ACSS3: variants seen among roughly 807,000 people sequenced by gnomAD.
The protein encoded by ACSS3 is acyl-CoA synthetase short-chain family member 3, mitochondrial.
ACSS3 carries 64 observed loss-of-function variants against 84.2 expected under a neutral mutation model. That is an observed-to-expected ratio of 0.76 (90% CI 0.62 to 0.94). ACSS3 has a LOEUF of 0.94. Ranked by LOEUF, ACSS3 falls within the 40% of genes least tolerant of loss-of-function variation. The pLI is 0.00. For missense variants in ACSS3, 815 were observed against 867.6 expected (o/e 0.94, Z 0.76); for synonymous variants, 317 against 310.1 (o/e 1.02, Z -0.23).
intron 8 of ACSS3, among the ~76,000 whole-genome samples, chr12:81,184,683 A>C (rs1241078884): frequency 1.3e-5 from 2 of 151,694 alleles, no homozygotes; most frequent in Non-Finnish European, 3.0e-5. Context: ...AAAATGGATA[A>C]ATTCCTAGAA....
Position 81,253,680 on chromosome 12 carries a change from CA to C in ACSS3, c.1995+13del, listed in dbSNP as rs1408759353. The C allele has an allele frequency of 6.2e-7, 1 of 1,605,610 alleles. No homozygotes were observed. ...TGGCAAGCCATACAAGGTAAATTAT[CA>C]AAGATATTTATTCCTGGGTTCTAAG... On this transcript the variant is annotated intron_variant, in intron 15 of 15. Transcript: ENST00000548058.
intron 11 of ACSS3, among the ~76,000 whole-genome samples, chr12:81,223,370 C>T (rs780667253): frequency 2.0e-5 from 3 of 152,038 alleles, no homozygotes; most frequent in Non-Finnish European, 4.4e-5. Flanking sequence ...CACATATTTA[C>T]AGCTTCACGT....
chr12:81,157,401 T>C (rs1297770903), intron 7 of ACSS3, among the ~76,000 whole-genome samples: 1 of 152,252 alleles, frequency 6.6e-6, no homozygotes, highest in Admixed American at 6.5e-5. Context: ...GCTAATATCA[T>C]ACCTAATCAT....
chr12:81,208,895 A>C (rs2032466246), intron 9 of ACSS3, among the ~76,000 whole-genome samples: 1 of 152,082 alleles, frequency 6.6e-6, no homozygotes, highest in Non-Finnish European at 1.5e-5. Context: ...TTATACCCTC[A>C]ACACTCCCTT....
chr12:81,190,211 TAGAGAG>T (rs75397068), intron 8 of ACSS3, among the ~76,000 whole-genome samples: 3 of 151,864 alleles, frequency 2.0e-5, no homozygotes, highest in African/African-American at 7.2e-5. Flanking sequence ...AACATAGAGA[TAGAGAG>T]AGAGACTTTA....
chr12:81,223,197 T>C (rs1399767008), intron 11 of ACSS3, among the ~76,000 whole-genome samples: 1 of 152,070 alleles, frequency 6.6e-6, no homozygotes, highest in African/African-American at 2.4e-5. Context: ...CGTTTTCCTC[T>C]GACCAGATCC....
chr12:81,168,665 G>A (rs1157425052), intron 7 of ACSS3, among the ~76,000 whole-genome samples: 1 of 152,120 alleles, frequency 6.6e-6, no homozygotes, highest in Non-Finnish European at 1.5e-5. Context: ...TGACATTTAT[G>A]TCCAGTCTAG....
intron 2 of ACSS3, among the ~76,000 whole-genome samples, chr12:81,126,386 T>A (rs1273598642): frequency 2.6e-5 from 4 of 152,226 alleles, no homozygotes; most frequent in African/African-American, 7.2e-5. Flanking sequence ...TGCACCCTAG[T>A]CCTGTTGTGT....
chr12:81,168,523 C>T (rs561838429), intron 7 of ACSS3, among the ~76,000 whole-genome samples: 42 of 152,226 alleles, frequency 2.8e-4, no homozygotes, highest in Non-Finnish European at 4.4e-4. Flanking sequence ...ATACAACCAA[C>T]GAAAACACTG....
chr12:81,176,039 A>G (rs2030450363), intron 8 of ACSS3, among the ~76,000 whole-genome samples: 1 of 152,176 alleles, frequency 6.6e-6, no homozygotes, highest in African/African-American at 2.4e-5. Context: ...CTAAAAAACC[A>G]TATGAAAGAT....
At chr12:81,152,372 A>G (rs1886654597) in intron 7 of ACSS3, among the ~76,000 whole-genome samples, 1 of 152,174 alleles carries the variant, frequency 6.6e-6, no homozygotes, top group African/African-American at 2.4e-5. Context: ...TTATTGGCAA[A>G]CTGATACTGA....
At chr12:81,156,819 A>C (rs1346997856) in intron 7 of ACSS3, among the ~76,000 whole-genome samples, 1 of 152,150 alleles carries the variant, frequency 6.6e-6, no homozygotes, top group African/African-American at 2.4e-5. Flanking sequence ...CCAACAAGAA[A>C]TCTCCAGACA....
chr12:81,143,496 C>A (rs1167886376), intron 5 of ACSS3: 9 of 269,142 alleles, frequency 3.3e-5, no homozygotes, highest in Non-Finnish European at 4.8e-5. Flanking sequence ...TATTTAACAT[C>A]AAATATTTTG....
At chr12:81,162,360 T>C (rs953515313) in intron 7 of ACSS3, among the ~76,000 whole-genome samples, 1 of 152,094 alleles carries the variant, frequency 6.6e-6, no homozygotes, top group African/African-American at 2.4e-5. Context: ...GTAGTTCCTA[T>C]TGGCAGGCAA....
At chr12:81,176,819 A>G (rs998137822) in intron 8 of ACSS3, among the ~76,000 whole-genome samples, 7 of 152,156 alleles carry the variant, frequency 4.6e-5, no homozygotes, top group Admixed American at 3.3e-4. Context: ...CTCATTCTAT[A>G]AGGCAAGCAT....
At chr12:81,226,298 T>C (rs2033268285) in intron 11 of ACSS3, among the ~76,000 whole-genome samples, 1 of 149,748 alleles carries the variant, frequency 6.7e-6, no homozygotes, top group African/African-American at 2.4e-5. Context: ...TCATAATATC[T>C]CTGATTTTCT....
At chr12:81,196,133 T>TA (rs2135886864) in intron 8 of ACSS3, among the ~76,000 whole-genome samples, 1 of 152,294 alleles carries the variant, frequency 6.6e-6, no homozygotes, top group South Asian at 2.1e-4. Flanking sequence ...GAATAAATTA[T>TA]TAGCATAATG....
In ACSS3 at chr12:81,225,499, T is replaced by C. The variant is rs762119075; in HGVS notation, c.1514+5423T>C. ...AATAACTTGGGACAAACACACATGC[T>C]ATTTCCAGCAGGTCCACACCTTGGA... is the stretch of plus-strand genomic sequence containing the variant. On this transcript the variant is annotated intron_variant, in intron 11 of 15. Coordinates refer to ENST00000548058, the MANE Select transcript of ACSS3 (RefSeq NM_024560.4). 7.2e-5 allele frequency among the ~76,000 whole-genome samples: 11 copies of C among 152,060 alleles called. No homozygotes were observed. The South Asian group carries it at 2.3e-3, about 31-fold the overall frequency.
At chr12:81,091,512 C>T (rs1307444056) in intron 1 of ACSS3, among the ~76,000 whole-genome samples, 9 of 152,000 alleles carry the variant, frequency 5.9e-5, no homozygotes, top group East Asian at 1.9e-4. Flanking sequence ...CGTTTTACTT[C>T]GCTAGAATAT....
Sources: gnomAD v4.1 joint callset for allele counts (sites outside exome capture counted in the v4.1 genomes callset) on GRCh38, gnomAD v4.1.1 for gene constraint, MANE v1.5 for transcripts, NCBI Gene and HGNC (gene_info 2026-07-23, HGNC 2026-07-21) for gene names.